HNRNPUL2: variants seen among roughly 807,000 people sequenced by gnomAD.
The protein encoded by HNRNPUL2 is heterogeneous nuclear ribonucleoprotein U like 2.
In HNRNPUL2, 27 loss-of-function variants were observed where a neutral mutation model predicts 102.2. The observed-to-expected ratio is 0.26, with a 90% CI of 0.19 to 0.36. The LOEUF (loss-of-function observed/expected upper bound fraction) is 0.36. Among genes scored for constraint, HNRNPUL2 ranks in the 10% least tolerant of loss-of-function variants. HNRNPUL2 has a pLI of 1.00. For synonymous variants in HNRNPUL2, 458 were observed against 387.2 expected, an observed-to-expected ratio of 1.18 and a Z score of -2.15; for missense variants, 936 against 981.1, an observed-to-expected ratio of 0.95 and a Z score of 0.61.
chr11:62,726,309 G>A (rs1179206729), intron 1 of HNRNPUL2, among the ~76,000 whole-genome samples: 2 of 152,122 alleles, frequency 1.3e-5, no homozygotes, highest in Admixed American at 1.3e-4. Flanking sequence ...TCTCAGCTAA[G>A]AAAAATATAA....
At position 62,726,584 on chromosome 11, in the gene HNRNPUL2, C is replaced by A. The variant is rs1164028959; in HGVS notation, c.538+35G>T. ...GGTGCTAGATCAGGGGCGCAGCCGG[C>A]AGGTTGGAGCCGGGCTCGGCTGCCA... On this transcript the variant is annotated intron_variant, in intron 1 of 13. Transcript: ENST00000301785. 2.0e-6 allele frequency: 3 copies of A among 1,489,664 alleles called. No homozygotes were observed. In the South Asian group the frequency reaches 3.9e-5, roughly 20 times the overall value. The allele number at this position is 1,489,664 out of a possible 1,614,324, so 92.3% of individuals were successfully genotyped here.
intron 1 of HNRNPUL2, 81 bp downstream of exon 1, chr11:62,726,538 G>C (rs2083748949): frequency 7.5e-6 from 10 of 1,340,462 alleles, no homozygotes; most frequent in Non-Finnish European, 9.9e-6. Context: ...ACAAGGACTC[G>C]GACCCTGCGG....
At chr11:62,721,569 T>A in intron 8 of HNRNPUL2, 146 bp from the exon 9 acceptor site, 1 of 875,186 alleles carries the variant, frequency 1.1e-6, no homozygotes, top group Non-Finnish European at 1.8e-6. Flanking sequence ...GCTGTGAATG[T>A]TGTCCATTTC....
In HNRNPUL2 at chr11:62,727,267, A is replaced by C; in HGVS notation, c.-111T>G. Reference sequence around the variant, plus strand: ...GCCCGCCTCCGCCTCACGCGCCAGCACTGAGCCCGCGCGAGCGAGCGCACG... The same window carrying C: ...GCCCGCCTCCGCCTCACGCGCCAGCCCTGAGCCCGCGCGAGCGAGCGCACG... On this transcript the variant is annotated 5_prime_UTR_variant, in exon 1 of 14. Coordinates refer to ENST00000301785, the MANE Select transcript of HNRNPUL2 (RefSeq NM_001079559.3). The C allele has an allele frequency of 8.2e-7, 1 of 1,214,726 alleles. No homozygotes were observed. The highest frequency in any genetic ancestry group is 1.0e-6 in the Non-Finnish European group (1 of 973,940). The allele number at this position is 1,214,726 out of a possible 1,614,324, so 75.2% of individuals were successfully genotyped here. A position where few individuals can be genotyped will look rare whatever the true frequency, so the allele number is the denominator to read the frequency against.
intron 1 of HNRNPUL2, 105 bp downstream of exon 1, chr11:62,726,514 T>G (rs939741777): frequency 1.5e-5 from 18 of 1,208,478 alleles, no homozygotes; most frequent in Admixed American, 3.0e-5. Context: ...AATGGCACTT[T>G]GAGGCAAGCG....
In HNRNPUL2 at chr11:62,715,091, A is replaced by C; in HGVS notation, c.*208T>G. 3 of 559,408 alleles carry C rather than the reference A, an allele frequency of 5.4e-6. No homozygotes were observed. In the South Asian group the frequency reaches 7.1e-5, roughly 13 times the overall value. 34.7% of individuals were successfully genotyped at this position (559,408 alleles called of 1,614,324 possible). On this transcript the variant is annotated 3_prime_UTR_variant, in exon 14 of 14. Transcript: ENST00000301785. ...AGAATAAGACAATATTCTTTTCAAC[A>C]AACTTTAAAAAAAATGTACAGTTTT... is the stretch of plus-strand genomic sequence containing the variant.
intron 10 of HNRNPUL2, among the ~76,000 whole-genome samples, chr11:62,718,828 C>CTT (rs1217417694): frequency 6.9e-6 from 1 of 145,572 alleles, no homozygotes; most frequent in Admixed American, 6.9e-5. Flanking sequence ...CCTACGGTCA[C>CTT]TTTTTTTTTT....
At chr11:62,726,518 G>A (rs1250987871) in intron 1 of HNRNPUL2, 101 bp downstream of exon 1, 10 of 1,233,414 alleles carry the variant, frequency 8.1e-6, no homozygotes, top group South Asian at 1.7e-5. Flanking sequence ...GCACTTTGAG[G>A]CAAGCGAGAA....
Position 62,726,920 on chromosome 11 carries a change from T to G in HNRNPUL2, c.237A>C (p.Glu79Asp). The change falls in exon 1 of 14, where the codon GAA (glutamate) becomes GAC (aspartate). Residue 79 changes from glutamate to aspartate, a missense_variant. By Grantham distance (45) the Glu-to-Asp change is conservative. Coordinates refer to ENST00000301785, the MANE Select transcript of HNRNPUL2 (RefSeq NM_001079559.3). ...CCTCCTCGTCCTCCTCCTCCTCCTC[T>G]TCGTCCTCCTCCTCGTCCCCGCCCG... Reference protein sequence around the residue: ...GGPGGDEEEDEEEEEEDEEAL... With the variant: ...GGPGGDEEEDDEEEEEDEEAL... 6.5e-7 allele frequency: 1 copy of G among 1,528,344 alleles called. No individual in the cohort carries two copies. The highest frequency in any genetic ancestry group is 8.7e-7 in the Non-Finnish European group (1 of 1,147,618). 94.7% of individuals were successfully genotyped at this position (1,528,344 alleles called of 1,614,324 possible). A position where few individuals can be genotyped will look rare whatever the true frequency, so the allele number is the denominator to read the frequency against.
intron 9 of HNRNPUL2, among the ~76,000 whole-genome samples, chr11:62,720,546 CAAAAA>C (rs148876571): frequency 5.3e-5 from 7 of 131,510 alleles, no homozygotes; most frequent in Admixed American, 1.4e-4. Flanking sequence ...GATTCCATCT[CAAAAA>C]AAAAAAAAAA....
At chr11:62,725,174 T>C (rs2083735396) in intron 1 of HNRNPUL2, among the ~76,000 whole-genome samples, 1 of 152,206 alleles carries the variant, frequency 6.6e-6, no homozygotes, top group Non-Finnish European at 1.5e-5. Context: ...TTAATAATAA[T>C]TTCTTTAAAG....
chr11:62,721,688 C>A, intron 8 of HNRNPUL2, 132 bp downstream of exon 8: 1 of 1,138,996 alleles, frequency 8.8e-7, no homozygotes, highest in South Asian at 1.5e-5. Context: ...CCACCTAAAA[C>A]GCATAGAGAA....
chr11:62,715,108 TAC>T lies in HNRNPUL2; in HGVS notation c.*189_*190del, dbSNP rs995993755. On this transcript the variant is annotated 3_prime_UTR_variant, in exon 14 of 14. Coordinates refer to ENST00000301785, the MANE Select transcript of HNRNPUL2 (RefSeq NM_001079559.3). ...TTTTCAACAAACTTTAAAAAAAATG[TAC>T]AGTTTTGTTGTTTGTTTCCACCTCC... is the stretch of plus-strand genomic sequence containing the variant. The T allele has an allele frequency of 3.4e-5, 19 of 552,630 alleles. No individual in the cohort carries two copies. Among genetic ancestry groups the T allele is most frequent in the African/African-American group, 1.7e-4 (9 of 52,680 alleles). 34.2% of individuals were successfully genotyped at this position (552,630 alleles called of 1,614,324 possible). A position where few individuals can be genotyped will look rare whatever the true frequency, so the allele number is the denominator to read the frequency against.
Position 62,727,157 on chromosome 11 carries a change from C to CGCCGCCGCCGCCTCCTCCGCCT in HNRNPUL2, c.-23_-2dup. 1 of 1,427,546 alleles carries CGCCGCCGCCGCCTCCTCCGCCT rather than the reference C, an allele frequency of 7.0e-7. No homozygotes were observed. Among genetic ancestry groups the CGCCGCCGCCGCCTCCTCCGCCT allele is most frequent in the South Asian group, 1.4e-5 (1 of 73,226 alleles). 88.4% of individuals were successfully genotyped at this position (1,427,546 alleles called of 1,614,324 possible). A position where few individuals can be genotyped will look rare whatever the true frequency, so the allele number is the denominator to read the frequency against. On this transcript the variant is annotated 5_prime_UTR_variant, in exon 1 of 14. Coordinates refer to ENST00000301785, the MANE Select transcript of HNRNPUL2 (RefSeq NM_001079559.3). ...TCACTTTCAGCCGCTTCACCTCCAT[C>CGCCGCCGCCGCCTCCTCCGCCT]GCCGCCGCCGCCTCCTCCGCCTCCC...
intron 1 of HNRNPUL2, among the ~76,000 whole-genome samples, chr11:62,725,525 T>C (rs2083738661): frequency 6.6e-6 from 1 of 152,158 alleles, no homozygotes; most frequent in African/African-American, 2.4e-5. Flanking sequence ...TTTTATCTGC[T>C]CTTTGGGATA....
Position 62,721,275 on chromosome 11 carries a change from C to A in HNRNPUL2, c.1611+20G>T, listed in dbSNP as rs369346885. ...ATACACATCCCACCTTGACTCTAGG[C>A]AATTTTATCAGATTAATACCTGATC... On this transcript the variant is annotated intron_variant, in intron 9 of 13. Coordinates refer to ENST00000301785, the MANE Select transcript of HNRNPUL2 (RefSeq NM_001079559.3). 22 of 1,595,530 alleles carry A rather than the reference C, an allele frequency of 1.4e-5. No homozygotes were observed. Among genetic ancestry groups the A allele is most frequent in the Non-Finnish European group, 1.8e-5 (21 of 1,174,316 alleles).
chr11:62,725,902 C>T (rs2083741618), intron 1 of HNRNPUL2, among the ~76,000 whole-genome samples: 1 of 152,212 alleles, frequency 6.6e-6, no homozygotes, highest in Admixed American at 6.5e-5. Context: ...AAAAGACTAG[C>T]ACCAGGTGTT....
chr11:62,718,828 C>T (rs1244675655), intron 10 of HNRNPUL2, among the ~76,000 whole-genome samples: 1 of 145,584 alleles, frequency 6.9e-6, no homozygotes, highest in Admixed American at 6.9e-5. Flanking sequence ...CCTACGGTCA[C>T]TTTTTTTTTT....
At chr11:62,721,445 GA>G (rs1554988246) in intron 8 of HNRNPUL2, 22 bp from the exon 9 acceptor site, 870 of 1,060,872 alleles carry the variant, frequency 8.2e-4, no homozygotes, top group East Asian at 1.6e-3. Flanking sequence ...GAGAGGAAGT[GA>G]AAAAAAAAAA....
Sources: gnomAD v4.1 joint callset for allele counts (sites outside exome capture counted in the v4.1 genomes callset) on GRCh38, gnomAD v4.1.1 for gene constraint, MANE v1.5 for transcripts, NCBI Gene and HGNC (gene_info 2026-07-23, HGNC 2026-07-21) for gene names.